Variants in ADGRE3 observed in about 807,000 individuals in gnomAD.
The protein encoded by ADGRE3 is adhesion G protein-coupled receptor E3, also known as EGF-like module receptor 3.
Under a neutral mutation model 80.1 loss-of-function variants are expected in ADGRE3, and 88 were observed. The ratio of observed to expected loss-of-function variants is 1.10; its 90% CI spans 0.93 to 1.31. The LOEUF is 1.31. ADGRE3 is among the 40% of genes most tolerant of loss of function. The pLI is 0.00. For missense variants in ADGRE3, 715 were observed against 776.5 expected, an observed-to-expected ratio of 0.92 and a Z score of 0.94; for synonymous variants, 281 against 294.8, an observed-to-expected ratio of 0.95 and a Z score of 0.48.
intron 8 of ADGRE3, among the ~76,000 whole-genome samples, chr19:14,644,829 G>C (rs1018773576): frequency 6.6e-6 from 1 of 152,126 alleles, no homozygotes; most frequent in Non-Finnish European, 1.5e-5. Context: ...TGGCTCAAAC[G>C]ATCCTCCCAT....
chr19:14,671,315 G>A (rs982906166), intron 1 of ADGRE3, among the ~76,000 whole-genome samples: 6 of 152,162 alleles, frequency 3.9e-5, no homozygotes, highest in East Asian at 1.9e-4. Flanking sequence ...TCTTTTGGAA[G>A]CTCTAGGGGA....
rs1971053112 is a variant in ADGRE3, at chr19:14,636,081, C to CCTTTCTTTCTTTCTTTCTTTCTTTCT, written c.1484+1998_1484+2023dup. Among the ~76,000 whole-genome samples, 30 of 24,678 alleles carry CCTTTCTTTCTTTCTTTCTTTCTTTCT rather than the reference C, an allele frequency of 1.2e-3. 2 individuals are homozygous for CCTTTCTTTCTTTCTTTCTTTCTTTCT. The highest frequency in any genetic ancestry group is 2.7e-3 in the African/African-American group (20 of 7,386). The allele number at this position is 24,678 out of a possible 152,430, so 16.2% of individuals were successfully genotyped here. A position where few individuals can be genotyped will look rare whatever the true frequency, so the allele number is the denominator to read the frequency against. On this transcript the variant is annotated intron_variant, in intron 11 of 15. Coordinates refer to ENST00000253673, the MANE Select transcript of ADGRE3 (RefSeq NM_032571.5). The stretch of plus-strand genomic sequence containing the variant: ...CCTTCCTTTCCTTTCCTTTCCTTTC[C>CCTTTCTTTCTTTCTTTCTTTCTTTCT]CTTTCTTTCTTTCTTTCTTTCTTTC...
chr19:14,648,737 A>T (rs995409483), intron 7 of ADGRE3, among the ~76,000 whole-genome samples: 2 of 152,142 alleles, frequency 1.3e-5, no homozygotes, highest in Admixed American at 6.5e-5. Flanking sequence ...CTCAAGAGAA[A>T]CTAGACTAAG....
intron 8 of ADGRE3, among the ~76,000 whole-genome samples, chr19:14,646,678 TC>T (rs1568488002): frequency 2.3e-4 from 11 of 48,846 alleles, no homozygotes; most frequent in African/African-American, 3.4e-4. Context: ...CCTCCCTCCC[TC>T]CCTCCCTCCC....
chr19:14,600,164 C>T, the ADGRE3 span: 1 of 1,614,000 alleles, frequency 6.2e-7, no homozygotes, highest in Non-Finnish European at 8.5e-7. Flanking sequence ...TGGTCATCAT[C>T]AATAGCTTTG....
At chr19:14,612,053 C>T in the ADGRE3 span, among the ~76,000 whole-genome samples, 1 of 152,090 alleles carries the variant, frequency 6.6e-6, no homozygotes, top group Non-Finnish European at 1.5e-5. Flanking sequence ...GTGGACTTTC[C>T]TGGGCTATTA....
chr19:14,666,005 G>A (rs1316107064), intron 2 of ADGRE3, among the ~76,000 whole-genome samples: 1 of 102,926 alleles, frequency 9.7e-6, no homozygotes, highest in South Asian at 3.4e-4. Context: ...CGTGTTGATT[G>A]ATGGGCATTT....
chr19:14,627,409 G>A lies in ADGRE3; in HGVS notation c.1813-1810C>T, dbSNP rs532575577. On this transcript the variant is annotated intron_variant, in intron 14 of 15. Transcript: ENST00000253673. ...TTGTTTTTTTTTGAGACGGAGTCTCGCTCTGTTGCTCAGGCTGGAATGCAA... is the reference window on the plus strand; with the variant it reads ...TTGTTTTTTTTTGAGACGGAGTCTCACTCTGTTGCTCAGGCTGGAATGCAA... Among the ~76,000 whole-genome samples, 45 of 152,136 alleles carry A rather than the reference G, an allele frequency of 3.0e-4. 1 individual carries two copies. The South Asian group carries it at 5.2e-3, about 18-fold the overall frequency.
chr19:14,627,015 G>A (rs1371818051), intron 14 of ADGRE3, among the ~76,000 whole-genome samples: 4 of 152,216 alleles, frequency 2.6e-5, no homozygotes, highest in African/African-American at 7.2e-5. Flanking sequence ...AGAAGCCAAA[G>A]GGATATGAGA....
intron 9 of ADGRE3, among the ~76,000 whole-genome samples, chr19:14,643,219 C>T (rs1043094390): frequency 5.9e-4 from 80 of 135,538 alleles, no homozygotes; most frequent in South Asian, 4.9e-4. Context: ...GATCTCGGTT[C>T]GCTGCAACCT....
chr19:14,650,476 C>T (rs1477822439), intron 7 of ADGRE3, among the ~76,000 whole-genome samples: 3 of 149,612 alleles, frequency 2.0e-5, no homozygotes, highest in Admixed American at 6.7e-5. Flanking sequence ...CCATCTAATT[C>T]CATCTTTCTC....
intron 4 of ADGRE3, 91 bp from the exon 5 acceptor site, chr19:14,658,641 C>A: frequency 1.4e-6 from 1 of 719,024 alleles, no homozygotes; most frequent in Non-Finnish European, 2.2e-6. Flanking sequence ...GGGTGAGCAA[C>A]TTTGCACCTA....
At chr19:14,655,206 T>C (rs1971720381) in intron 5 of ADGRE3, 41 bp from the exon 6 acceptor site, 3 of 1,555,712 alleles carry the variant, frequency 1.9e-6, no homozygotes, top group Non-Finnish European at 2.6e-6. Flanking sequence ...AAAAATGTAA[T>C]CTGGTAAGTC....
chr19:14,674,609 G>C lies in ADGRE3; in HGVS notation c.25+137C>G, dbSNP rs141775117. ...TACTTTGAATAGGGTAGTCAGGAAG[G>C]AAACCACACTCCAAAGGGAAAAGGT... On this transcript the variant is annotated intron_variant, in intron 1 of 15. Coordinates refer to ENST00000253673, the MANE Select transcript of ADGRE3 (RefSeq NM_032571.5). 1.8e-4 allele frequency: 143 copies of C among 804,604 alleles called. 1 individual carries two copies. The African/African-American group carries it at 2.2e-3, about 12-fold the overall frequency. 49.8% of individuals were successfully genotyped at this position (804,604 alleles called of 1,614,324 possible).
At chr19:14,620,550 ATATAT>A (rs1970557922) in intron 15 of ADGRE3, among the ~76,000 whole-genome samples, 1 of 18,958 alleles carries the variant, frequency 5.3e-5, no homozygotes, top group African/African-American at 2.5e-4. Context: ...TATATATATT[ATATAT>A]ATATATATAT....
intron 2 of ADGRE3, among the ~76,000 whole-genome samples, chr19:14,665,936 G>GTATATATATTCATACATATATATATATA (rs71166783): frequency 2.4e-5 from 1 of 42,098 alleles, no homozygotes; most frequent in African/African-American, 1.1e-4. Context: ...ACACATATGT[G>GTATATATATTCATACATATATATATATA]TATATATATA....
the ADGRE3 span, among the ~76,000 whole-genome samples, chr19:14,606,193 A>G: frequency 6.6e-6 from 1 of 152,092 alleles, no homozygotes; most frequent in Non-Finnish European, 1.5e-5. Context: ...TACTATTGCT[A>G]AAAATGTCAC....
chr19:14,660,289 G>C (rs541080968), intron 4 of ADGRE3, among the ~76,000 whole-genome samples: 181 of 152,294 alleles, frequency 1.2e-3, no homozygotes, highest in Non-Finnish European at 1.9e-3. Flanking sequence ...TAGAATCACA[G>C]TCTGCTTCTA....
At chr19:14,651,043 T>C (rs1971592035) in intron 7 of ADGRE3, 42 bp downstream of exon 7, 4 of 1,611,752 alleles carry the variant, frequency 2.5e-6, no homozygotes, top group Non-Finnish European at 3.4e-6. Context: ...CACAATGACA[T>C]GGCTCTGTGT....
Sources: allele counts gnomAD v4.1 joint callset (sites outside exome capture counted in the v4.1 genomes callset), GRCh38; gene constraint gnomAD v4.1.1; transcripts MANE v1.5; gene names NCBI Gene and HGNC (gene_info 2026-07-23, HGNC 2026-07-21).